STX18: variants seen among roughly 807,000 people sequenced by gnomAD.
STX18 encodes syntaxin-18.
In STX18, 40 loss-of-function variants were observed where a neutral mutation model predicts 50.1. The ratio of observed to expected loss-of-function variants is 0.80; its 90% CI spans 0.62 to 1.04. The LOEUF is 1.04. Ranked by LOEUF, STX18 falls within the 50% of genes least tolerant of loss-of-function variation. The pLI is 0.00. For synonymous variants in STX18, 158 were observed against 151.8 expected (o/e 1.04, Z -0.30); for missense variants, 410 against 415.8 (o/e 0.99, Z 0.12).
rs186305255 is a variant in STX18 at position 4,485,663 on chromosome 4, C to A, written c.169-13957G>T. The stretch of plus-strand genomic sequence containing the variant: ...ATTCGCAAGCCCCATCTCACCCTCA[C>A]CCCAGAGCTCACACACGCTGGGTGG... On this transcript the variant is annotated intron_variant, in intron 1 of 10. Transcript: ENST00000306200. Among the ~76,000 whole-genome samples, 207 of 152,270 alleles carry A rather than the reference C, an allele frequency of 1.4e-3. No homozygotes were observed. The Middle Eastern group carries it at 0.031, about 23-fold the overall frequency.
At chr4:4,525,774 A>G (rs1430959919) in intron 1 of STX18, among the ~76,000 whole-genome samples, 1 of 152,220 alleles carries the variant, frequency 6.6e-6, no homozygotes, top group Non-Finnish European at 1.5e-5. Flanking sequence ...CAATGTTATT[A>G]CTAGATAAAA....
intron 1 of STX18, among the ~76,000 whole-genome samples, chr4:4,522,324 T>C (rs578194504): frequency 6.0e-4 from 91 of 152,324 alleles, no homozygotes; most frequent in Non-Finnish European, 1.2e-3. Flanking sequence ...TATTTTAATC[T>C]AGACACTTAA....
intron 1 of STX18, among the ~76,000 whole-genome samples, chr4:4,472,645 T>C (rs770841129): frequency 6.6e-6 from 1 of 152,352 alleles, no homozygotes; most frequent in East Asian, 1.9e-4. Flanking sequence ...CACTCAATTA[T>C]TCATGGCCAT....
chr4:4,436,026 A>T (rs1451713350), intron 6 of STX18, among the ~76,000 whole-genome samples: 1 of 152,140 alleles, frequency 6.6e-6, no homozygotes, highest in African/African-American at 2.4e-5. Context: ...TCAAAGGCAA[A>T]TACTGCTTCT....
At chr4:4,464,098 C>A (rs1376086785) in intron 2 of STX18, among the ~76,000 whole-genome samples, 3 of 152,166 alleles carry the variant, frequency 2.0e-5, no homozygotes, top group Non-Finnish European at 4.4e-5. Flanking sequence ...AAGGCAACCA[C>A]CCCTCGTTTT....
intron 5 of STX18, among the ~76,000 whole-genome samples, chr4:4,444,889 C>A (rs767169958): frequency 1.8e-4 from 28 of 151,854 alleles, no homozygotes; most frequent in Non-Finnish European, 4.0e-4. Flanking sequence ...CCCAACACTT[C>A]ATACTTAATG....
At chr4:4,503,398 G>A (rs1252357150) in intron 1 of STX18, among the ~76,000 whole-genome samples, 2 of 152,050 alleles carry the variant, frequency 1.3e-5, no homozygotes, top group African/African-American at 2.4e-5. Context: ...TTTTATTGTT[G>A]TTGTTTAATC....
At chr4:4,455,523 A>G (rs1353471036) in intron 5 of STX18, among the ~76,000 whole-genome samples, 2 of 152,220 alleles carry the variant, frequency 1.3e-5, no homozygotes, top group Non-Finnish European at 2.9e-5. Context: ...GCATCTGAGA[A>G]GTTGGACTTT....
intron 1 of STX18, among the ~76,000 whole-genome samples, chr4:4,516,791 A>C (rs1279589627): frequency 6.6e-6 from 1 of 152,090 alleles, no homozygotes; most frequent in East Asian, 1.9e-4. Flanking sequence ...AAAGAGAAAA[A>C]CTCCAAACAT....
At position 4,420,193 on chromosome 4, in the gene STX18, A is replaced by G. The variant is rs1163222823; in HGVS notation, c.913-64T>C. ...GGATTTTGGTTTGAGCAGCCCTGAAATGCCCCCCTCTTCCCACGTGCTCTC... is the reference window on the plus strand; with the variant it reads ...GGATTTTGGTTTGAGCAGCCCTGAAGTGCCCCCCTCTTCCCACGTGCTCTC... On this transcript the variant is annotated intron_variant, in intron 10 of 10. Coordinates refer to ENST00000306200, the MANE Select transcript of STX18 (RefSeq NM_016930.4). This position sits in a 1 kb window ranked among gnomAD's most constrained non-coding sequence, Gnocchi z 4.3. The G allele has an allele frequency of 1.2e-5, 16 of 1,325,260 alleles. No individual in the cohort carries two copies. In the East Asian group the frequency reaches 3.2e-4, roughly 27 times the overall value. The allele number at this position is 1,325,260 out of a possible 1,614,324, so 82.1% of individuals were successfully genotyped here. A position where few individuals can be genotyped will look rare whatever the true frequency, so the allele number is the denominator to read the frequency against.
Position 4,458,845 on chromosome 4 carries a change from T to C in STX18, c.352+527A>G, listed in dbSNP as rs1025277914. Among the ~76,000 whole-genome samples, 4 of 151,818 alleles carry C rather than the reference T, an allele frequency of 2.6e-5. No homozygotes were observed. The East Asian group carries it at 5.8e-4, about 22-fold the overall frequency. On this transcript the variant is annotated intron_variant, in intron 3 of 10. Coordinates refer to ENST00000306200, the MANE Select transcript of STX18 (RefSeq NM_016930.4). The stretch of plus-strand genomic sequence containing the variant: ...GGCTATATGGCTCGGACGGGTGGAG[T>C]TGGGGTGCAACCTAAGCAGCCCTGG...
intron 1 of STX18, among the ~76,000 whole-genome samples, chr4:4,535,501 T>C (rs1050742579): frequency 1.2e-4 from 19 of 152,118 alleles, no homozygotes; most frequent in African/African-American, 3.4e-4. Flanking sequence ...CAGTGGTTTT[T>C]AAACTGTGTG....
chr4:4,435,862 G>A (rs913896737), intron 6 of STX18, among the ~76,000 whole-genome samples: 2 of 152,202 alleles, frequency 1.3e-5, no homozygotes, highest in Admixed American at 6.5e-5. Flanking sequence ...GACTGCTGCC[G>A]CCCAGGATGA....
At chr4:4,495,563 CTTTT>C (rs35298335) in intron 1 of STX18, among the ~76,000 whole-genome samples, 1 of 129,978 alleles carries the variant, frequency 7.7e-6, no homozygotes. Context: ...TTTTTCTTTT[CTTTT>C]TTTTTTTTTT....
intron 4 of STX18, 24 bp from the exon 5 acceptor site, chr4:4,457,281 A>T: frequency 1.9e-6 from 3 of 1,610,742 alleles, no homozygotes; most frequent in Non-Finnish European, 2.5e-6. Flanking sequence ...AAATACCAGA[A>T]GAGAGACTGC....
At position 4,420,849 on chromosome 4, in the gene STX18, C is replaced by G. The variant is rs1263689827; in HGVS notation, c.912+15G>C. 3 of 1,613,538 alleles carry G rather than the reference C, an allele frequency of 1.9e-6. No homozygotes were observed. The highest frequency in any genetic ancestry group is 1.7e-5 in the Admixed American group (1 of 60,016). On this transcript the variant is annotated intron_variant, in intron 10 of 10. Coordinates refer to ENST00000306200, the MANE Select transcript of STX18 (RefSeq NM_016930.4). This position sits in a 1 kb window ranked among gnomAD's most constrained non-coding sequence, Gnocchi z 4.3. Reference sequence around the variant, plus strand: ...CTGCGCCACGTCGCACCTGGGGAACCTAAACAGTGCCTACCTCTCTTATGT... The same window carrying G: ...CTGCGCCACGTCGCACCTGGGGAACGTAAACAGTGCCTACCTCTCTTATGT...
At chr4:4,542,236 G>C (rs1390897546), upstream of STX18, 2 of 382,044 alleles carry the variant, frequency 5.2e-6, no homozygotes, top group Non-Finnish European at 9.4e-6. Context: ...TTAGCTGCGC[G>C]GAGAGCTCAG....
intron 1 of STX18, among the ~76,000 whole-genome samples, chr4:4,527,867 C>CACATATATATATATATATATATATATAT (rs372566368): frequency 1.8e-4 from 25 of 137,204 alleles, no homozygotes; most frequent in African/African-American, 6.6e-4. Flanking sequence ...CACACACACA[C>CACATATATATATATATATATATATATAT]ATATATATAT....
chr4:4,477,873 T>C (rs1728267586), intron 1 of STX18: 1 of 152,220 alleles, frequency 6.6e-6, no homozygotes, highest in Non-Finnish European at 1.5e-5. Context: ...CCAATCGTGA[T>C]CGCTACTTAC....
Sources: gnomAD v4.1 joint callset for allele counts (sites outside exome capture counted in the v4.1 genomes callset) on GRCh38, gnomAD v4.1.1 for gene constraint, Gnocchi (gnomAD v3.1) non-coding constraint, MANE v1.5 for transcripts, NCBI Gene and HGNC (gene_info 2026-07-23, HGNC 2026-07-21) for gene names.